ERGIC2: variants seen among roughly 807,000 people sequenced by gnomAD.
The protein encoded by ERGIC2 is ERGIC and golgi 2.
In ERGIC2, 31 loss-of-function variants were observed where a neutral mutation model predicts 52.5. That is an observed-to-expected ratio of 0.59 (90% CI 0.44 to 0.80). The LOEUF is 0.80. Among genes scored for constraint, ERGIC2 ranks in the 30% least tolerant of loss-of-function variants. The probability of loss-of-function intolerance (pLI) is 0.00; values close to 1 mark genes in which losing one functional copy is unlikely to be tolerated. For missense variants in ERGIC2, 395 were observed against 455.2 expected, an observed-to-expected ratio of 0.87 and a Z score of 1.20; for synonymous variants, 129 against 140.6, an observed-to-expected ratio of 0.92 and a Z score of 0.58.
intron 6 of ERGIC2, among the ~76,000 whole-genome samples, chr12:29,360,812 C>G (rs1940274455): frequency 1.3e-5 from 2 of 151,686 alleles, no homozygotes; most frequent in South Asian, 4.1e-4. Flanking sequence ...TACTTTGTAT[C>G]TGGGTGCCCA....
chr12:29,368,231 G>A lies in ERGIC2; in HGVS notation c.262+10C>T, dbSNP rs769020669. 7.1e-6 allele frequency: 11 copies of A among 1,545,780 alleles called. No individual in the cohort carries two copies. Among genetic ancestry groups the A allele is most frequent in the African/African-American group, 1.4e-5 (1 of 73,440 alleles). ...TACATGTGGATTCAGCAAGTTGAAG[G>A]TGTACTTACATTGACACTTCATGGC... On this transcript the variant is annotated intron_variant, in intron 4 of 13. Coordinates refer to ENST00000360150, the MANE Select transcript of ERGIC2 (RefSeq NM_016570.3).
chr12:29,376,160 G>A (rs971481516), intron 1 of ERGIC2, among the ~76,000 whole-genome samples: 1 of 152,024 alleles, frequency 6.6e-6, no homozygotes, highest in African/African-American at 2.4e-5. Flanking sequence ...ATTTAATCTT[G>A]TAAATGACTC....
chr12:29,352,143 TCA>T (rs1940141205), intron 8 of ERGIC2, among the ~76,000 whole-genome samples: 1 of 152,148 alleles, frequency 6.6e-6, no homozygotes, highest in Admixed American at 6.6e-5. Flanking sequence ...TATAACTGCA[TCA>T]CTACAATTCA....
rs1164075026 is a variant in ERGIC2, at chr12:29,338,818, T to A, written c.*2338A>T. On this transcript the variant is annotated 3_prime_UTR_variant, in exon 14 of 14. Transcript: ENST00000360150. ...AAAATCCATTTCATATAATTTGAGA[T>A]CTCATTTTTAAATATGTAGTCTGGA... 6.6e-6 allele frequency: 1 copy of A among 152,136 alleles called. No individual in the cohort carries two copies. The highest frequency in any genetic ancestry group is 1.5e-5 in the Non-Finnish European group (1 of 68,022). The allele number at this position is 152,136 out of a possible 1,614,324, so 9.4% of individuals were successfully genotyped here.
At position 29,349,114 on chromosome 12, in the gene ERGIC2, T is replaced by C. The variant is rs1222647102; in HGVS notation, c.692A>G (p.Asn231Ser). Reference sequence around the variant, plus strand: ...AATTTTTTCAGTTCCATCTAAAGGATTAATAATTGCTGGAACAAGCTCTCC... The same window carrying C: ...AATTTTTTCAGTTCCATCTAAAGGACTAATAATTGCTGGAACAAGCTCTCC... ...SFGELVPAIINPLDGTEKIAI... is the reference protein window; with the variant it reads ...SFGELVPAIISPLDGTEKIAI... Residue 231 changes from asparagine (N) to serine (S), a missense_variant, in exon 10 of 14, where the codon AAT (asparagine) becomes AGT (serine). By Grantham distance (46) the Asn-to-Ser change is conservative. Coordinates refer to ENST00000360150, the MANE Select transcript of ERGIC2 (RefSeq NM_016570.3). The C allele has an allele frequency of 6.3e-7, 1 of 1,581,258 alleles. No individual in the cohort carries two copies. Among genetic ancestry groups the C allele is most frequent in the Non-Finnish European group, 8.6e-7 (1 of 1,163,122 alleles).
chr12:29,348,197 T>C (rs1421124810), intron 10 of ERGIC2, among the ~76,000 whole-genome samples: 2 of 152,134 alleles, frequency 1.3e-5, no homozygotes, highest in East Asian at 3.8e-4. Flanking sequence ...TTCATGAATG[T>C]AAATCAGTAT....
At position 29,370,010 on chromosome 12, in the gene ERGIC2, A is replaced by G. The variant is rs945912032; in HGVS notation, c.215+104T>C. 4.4e-6 allele frequency: 5 copies of G among 1,137,004 alleles called. No homozygotes were observed. The African/African-American group carries it at 6.5e-5, about 15-fold the overall frequency. The allele number at this position is 1,137,004 out of a possible 1,614,324, so 70.4% of individuals were successfully genotyped here. A position where few individuals can be genotyped will look rare whatever the true frequency, so the allele number is the denominator to read the frequency against. ...TTCAGGACTATTTCTTCAGAACTAA[A>G]ACAAACCAAATCTAGAAGGTTAGAC... On this transcript the variant is annotated intron_variant, in intron 3 of 13. Transcript: ENST00000360150.
chr12:29,372,699 G>A (rs1940459204), intron 1 of ERGIC2, among the ~76,000 whole-genome samples: 1 of 150,308 alleles, frequency 6.7e-6, no homozygotes, highest in South Asian at 2.1e-4. Context: ...CTGTCACCCA[G>A]GCTGGAGTGC....
intron 8 of ERGIC2, among the ~76,000 whole-genome samples, chr12:29,352,267 T>C (rs757924230): frequency 6.6e-6 from 1 of 152,222 alleles, no homozygotes; most frequent in Non-Finnish European, 1.5e-5. Context: ...TGAGCATGGC[T>C]ATATGCCAAT....
At chr12:29,358,033 C>T (rs1940233116) in intron 6 of ERGIC2, among the ~76,000 whole-genome samples, 1 of 152,148 alleles carries the variant, frequency 6.6e-6, no homozygotes, top group Non-Finnish European at 1.5e-5. Flanking sequence ...TTCATGCATA[C>T]ATGCACAATT....
chr12:29,364,710 T>C (rs1003749708), intron 5 of ERGIC2, among the ~76,000 whole-genome samples: 1 of 152,032 alleles, frequency 6.6e-6, no homozygotes, highest in African/African-American at 2.4e-5. Context: ...AAACTATGCA[T>C]CTGATAAAGG....
chr12:29,345,568 A>C, intron 10 of ERGIC2, 28 bp from the exon 11 acceptor site: 1 of 1,172,854 alleles, frequency 8.5e-7, no homozygotes. Context: ...CTTTTTATCA[A>C]TTCAGTAGCA....
intron 6 of ERGIC2, among the ~76,000 whole-genome samples, chr12:29,357,962 G>A (rs1388617175): frequency 1.3e-5 from 2 of 152,128 alleles, no homozygotes; most frequent in Non-Finnish European, 2.9e-5. Context: ...CATCAGTAAT[G>A]GATGTGCCAT....
At position 29,371,660 on chromosome 12, in the gene ERGIC2, A is replaced by G. The variant is rs748853172; in HGVS notation, c.-27T>C. ...TTCAGGAAAACCTTCCTCTTCCTTC[A>G]TATAGTCATGCTAAGGAATAAATAA... On this transcript the variant is annotated 5_prime_UTR_variant, in exon 2 of 14. The change abolishes an upstream ATG in the 5' untranslated region. Coordinates refer to ENST00000360150, the MANE Select transcript of ERGIC2 (RefSeq NM_016570.3). 11 of 1,386,214 alleles carry G rather than the reference A, an allele frequency of 7.9e-6. No individual in the cohort carries two copies. Among genetic ancestry groups the G allele is most frequent in the South Asian group, 1.2e-5 (1 of 86,172 alleles). 85.9% of individuals were successfully genotyped at this position (1,386,214 alleles called of 1,614,324 possible).
At chr12:29,362,278 CAAT>C (rs1209870513) in intron 5 of ERGIC2, among the ~76,000 whole-genome samples, 3 of 152,038 alleles carry the variant, frequency 2.0e-5, no homozygotes, top group Non-Finnish European at 2.9e-5. Context: ...AATTTTGCAA[CAAT>C]AATCCACTTT....
At chr12:29,365,926 A>G (rs1940355957) in intron 5 of ERGIC2, among the ~76,000 whole-genome samples, 1 of 151,910 alleles carries the variant, frequency 6.6e-6, no homozygotes, top group African/African-American at 2.4e-5. Context: ...TTTCTGTAGA[A>G]ATTTCTATTT....
intron 11 of ERGIC2, among the ~76,000 whole-genome samples, chr12:29,345,171 G>A (rs1486385746): frequency 6.6e-6 from 1 of 151,964 alleles, no homozygotes; most frequent in Non-Finnish European, 1.5e-5. Context: ...AAATAATTAA[G>A]GCCATCACAA....
At chr12:29,352,156 T>A (rs753795940) in intron 8 of ERGIC2, among the ~76,000 whole-genome samples, 16 of 152,130 alleles carry the variant, frequency 1.1e-4, no homozygotes, top group African/African-American at 3.9e-4. Context: ...CTACAATTCA[T>A]AGTACACCAA....
rs1009995645 is a variant in ERGIC2, at chr12:29,339,050, G to A, written c.*2106C>T. On this transcript the variant is annotated 3_prime_UTR_variant, in exon 14 of 14. Coordinates refer to ENST00000360150, the MANE Select transcript of ERGIC2 (RefSeq NM_016570.3). ...TCCTAATATGCAGGTAAACTTCATC[G>A]TCCAAAGGGCTGATCGGAATTTTAA... 5 of 152,070 alleles carry A rather than the reference G, an allele frequency of 3.3e-5. No homozygotes were observed. Among genetic ancestry groups the A allele is most frequent in the Non-Finnish European group, 7.4e-5 (5 of 67,994 alleles). The allele number at this position is 152,070 out of a possible 1,614,324, so 9.4% of individuals were successfully genotyped here. A position where few individuals can be genotyped will look rare whatever the true frequency, so the allele number is the denominator to read the frequency against.
Sources: allele counts gnomAD v4.1 joint callset (sites outside exome capture counted in the v4.1 genomes callset), GRCh38; gene constraint gnomAD v4.1.1; transcripts MANE v1.5; gene names NCBI Gene and HGNC (gene_info 2026-07-23, HGNC 2026-07-21).